The following RBFOX1 variants were observed in gnomAD, a reference collection of about 807,000 sequenced individuals.
RBFOX1 encodes RNA binding fox-1 homolog 1.
In RBFOX1, 8 loss-of-function variants were observed where a neutral mutation model predicts 57.7. That is an observed-to-expected ratio of 0.14 (90% CI 0.08 to 0.25). The LOEUF is 0.25. RBFOX1 is among the 10% of genes least tolerant of loss of function. RBFOX1 has a pLI of 1.00. For missense variants in RBFOX1, 611 were observed against 548.5 expected (o/e 1.11, Z -1.14); for synonymous variants, 326 against 222.4 (o/e 1.47, Z -4.15).
chr16:5,577,511 C>A (rs571497084), intron 2 of RBFOX1, among the ~76,000 whole-genome samples: 52 of 152,298 alleles, frequency 3.4e-4, no homozygotes, highest in African/African-American at 1.3e-3. Flanking sequence ...TCATCCTTAT[C>A]CCCAGAATGA....
At chr16:6,775,287 G>C (rs1391493940) in intron 3 of RBFOX1, among the ~76,000 whole-genome samples, 2 of 134,646 alleles carry the variant, frequency 1.5e-5, no homozygotes, top group East Asian at 4.3e-4. Flanking sequence ...CTGAGATCGC[G>C]CCACCGCACT....
At chr16:5,838,729 G>A (rs2056538714) in intron 3 of RBFOX1, 2 of 152,192 alleles carry the variant, frequency 1.3e-5, no homozygotes, top group Admixed American at 6.5e-5. Context: ...TATCTTCATT[G>A]CTTTCAGTTC....
At chr16:6,641,589 G>T (rs570103362) in intron 2 of RBFOX1, among the ~76,000 whole-genome samples, 1 of 152,048 alleles carries the variant, frequency 6.6e-6, no homozygotes, top group East Asian at 1.9e-4. Context: ...ACAAAAGTTA[G>T]CTGGGTGTGA....
intron 7 of RBFOX1, among the ~76,000 whole-genome samples, chr16:7,593,741 A>G (rs1356972935): frequency 1.3e-5 from 2 of 151,876 alleles, no homozygotes; most frequent in Non-Finnish European, 2.9e-5. Context: ...ATTTTCTTCT[A>G]TACTCACATT....
chr16:5,617,304 C>T (rs781676455), intron 3 of RBFOX1, among the ~76,000 whole-genome samples: 20 of 152,184 alleles, frequency 1.3e-4, no homozygotes, highest in South Asian at 1.0e-3. Context: ...TGCTGCCCTT[C>T]GGACTAGCCT....
intron 7 of RBFOX1, among the ~76,000 whole-genome samples, chr16:7,592,979 C>CTT (rs1203680995): frequency 0.025 from 3,459 of 137,562 alleles, 125 homozygotes; most frequent in African/African-American, 0.085. Context: ...TCACACCTGG[C>CTT]TTTTTTTTTT....
At chr16:5,562,261 A>G (rs1364224814) in intron 2 of RBFOX1, among the ~76,000 whole-genome samples, 1 of 152,148 alleles carries the variant, frequency 6.6e-6, no homozygotes, top group Non-Finnish European at 1.5e-5. Flanking sequence ...GTCTGCAGTT[A>G]TATGTCAAGT....
At chr16:7,590,630 C>T (rs71374958) in intron 7 of RBFOX1, among the ~76,000 whole-genome samples, 12,346 of 151,980 alleles carry the variant, frequency 0.081, 690 homozygotes, top group Non-Finnish European at 0.12. Context: ...GAGGCCGAGG[C>T]AGGCGGATCA....
At chr16:7,670,330 C>G (rs2070975736) in intron 13 of RBFOX1, among the ~76,000 whole-genome samples, 1 of 152,118 alleles carries the variant, frequency 6.6e-6, no homozygotes, top group African/African-American at 2.4e-5. Context: ...CCACGTGTGG[C>G]CAACAGGAAA....
chr16:7,218,749 G>T (rs1420954315), intron 4 of RBFOX1, among the ~76,000 whole-genome samples: 1 of 146,846 alleles, frequency 6.8e-6, no homozygotes, highest in Non-Finnish European at 1.5e-5. Flanking sequence ...TTTTAAAGTA[G>T]TTTTCAGCAG....
At chr16:5,538,054 C>T (rs1407505349) in intron 2 of RBFOX1, among the ~76,000 whole-genome samples, 1 of 152,078 alleles carries the variant, frequency 6.6e-6, no homozygotes, top group African/African-American at 2.4e-5. Flanking sequence ...GACACACGAG[C>T]CTGGAGCCCC....
In RBFOX1 at chr16:6,013,185, C is replaced by T. The variant is rs539604998; in HGVS notation, c.351+145850C>T. 2.3e-3 allele frequency among the ~76,000 whole-genome samples: 347 copies of T among 152,254 alleles called. 2 individuals are homozygous for T. Among genetic ancestry groups the T allele is most frequent in the Non-Finnish European group, 4.0e-3 (271 of 68,030 alleles). On this transcript the variant is annotated intron_variant, in intron 4 of 19. Coordinates refer to the RBFOX1 transcript ENST00000641259. ...TGGAATATGAACGCAGGCTGTCCTA[C>T]TCATGAGCTCCGTTCTGTTATTTCT...
chr16:7,018,878 G>A (rs1234636315), intron 3 of RBFOX1, among the ~76,000 whole-genome samples: 1 of 152,088 alleles, frequency 6.6e-6, no homozygotes, highest in African/African-American at 2.4e-5. Flanking sequence ...CAGCACATTG[G>A]GAGGCCAAAG....
At position 5,754,553 on chromosome 16, in the gene RBFOX1, T is replaced by C. The variant is rs533362123; in HGVS notation, c.319-112750T>C. ...GATCCCGCCAGCCTCTGAGTTCCCTTAGTATTTATTGATCATCTGTGGGTG... is the reference window on the plus strand; with the variant it reads ...GATCCCGCCAGCCTCTGAGTTCCCTCAGTATTTATTGATCATCTGTGGGTG... On this transcript the variant is annotated intron_variant, in intron 3 of 19. Coordinates refer to the RBFOX1 transcript ENST00000641259. 1.7e-3 allele frequency among the ~76,000 whole-genome samples: 224 copies of C among 133,608 alleles called. 1 individual carries two copies. The highest frequency in any genetic ancestry group is 6.1e-3 in the African/African-American group (212 of 34,532). 87.7% of individuals were successfully genotyped at this position (133,608 alleles called of 152,430 possible).
rs76947245 is a variant in RBFOX1 at position 5,679,008 on chromosome 16, G to A, written c.318+80047G>A. On this transcript the variant is annotated intron_variant, in intron 3 of 19. Coordinates refer to the RBFOX1 transcript ENST00000641259. Reference sequence around the variant, plus strand: ...TGGATGGAAGGCTAAGATGCAAAATGGGATAATTGAACTGTTAGCTGAACT... The same window carrying A: ...TGGATGGAAGGCTAAGATGCAAAATAGGATAATTGAACTGTTAGCTGAACT... Among the ~76,000 whole-genome samples, 80 of 152,278 alleles carry A rather than the reference G, an allele frequency of 5.3e-4. No homozygotes were observed. The East Asian group carries it at 0.014, about 27-fold the overall frequency.
chr16:6,848,893 A>C (rs2093912566), intron 3 of RBFOX1, among the ~76,000 whole-genome samples: 1 of 152,172 alleles, frequency 6.6e-6, no homozygotes, highest in Non-Finnish European at 1.5e-5. Context: ...GAGGAACAGA[A>C]AACGATAGTG....
At chr16:7,111,004 G>GT (rs920433598) in intron 4 of RBFOX1, among the ~76,000 whole-genome samples, 1 of 152,006 alleles carries the variant, frequency 6.6e-6, no homozygotes. Context: ...TTTGTTTGTT[G>GT]TTTTTTTCTC....
intron 1 of RBFOX1, among the ~76,000 whole-genome samples, chr16:5,409,567 A>G (rs1007257194): frequency 6.6e-6 from 1 of 152,214 alleles, no homozygotes; most frequent in African/African-American, 2.4e-5. Context: ...TACTCAACAA[A>G]TATTTATTGA....
intron 4 of RBFOX1, among the ~76,000 whole-genome samples, chr16:7,168,824 A>T (rs989070687): frequency 2.6e-5 from 4 of 152,334 alleles, no homozygotes; most frequent in African/African-American, 7.2e-5. Context: ...TGAATAATTC[A>T]TGCAGTCTTC....
Sources: gnomAD v4.1 joint callset for allele counts (sites outside exome capture counted in the v4.1 genomes callset) on GRCh38, gnomAD v4.1.1 for gene constraint, MANE v1.5 for transcripts, NCBI Gene and HGNC (gene_info 2026-07-23, HGNC 2026-07-21) for gene names.